CNTNAP5: variants seen among roughly 807,000 people sequenced by gnomAD.
CNTNAP5 encodes the protein contactin associated protein family member 5, also known as contactin-associated protein-like 5.
In CNTNAP5, 72 loss-of-function variants were observed where a neutral mutation model predicts 150.2. The observed-to-expected ratio is 0.48, with a 90% CI of 0.40 to 0.58. The LOEUF (loss-of-function observed/expected upper bound fraction) is 0.58, where lower values mean the gene tolerates loss of function less well. CNTNAP5 is among the 20% of genes least tolerant of loss of function. The pLI is 0.00. For missense variants in CNTNAP5, 1,636 were observed against 1,626.2 expected (o/e 1.01, Z -0.10); for synonymous variants, 672 against 619.8 (o/e 1.08, Z -1.25).
At chr2:124,410,398 C>T (rs914355869) in intron 3 of CNTNAP5, among the ~76,000 whole-genome samples, 1 of 151,722 alleles carries the variant, frequency 6.6e-6, no homozygotes, top group African/African-American at 2.4e-5. Flanking sequence ...ATGTACAGAA[C>T]TCTCCACCCC....
intron 4 of CNTNAP5, among the ~76,000 whole-genome samples, chr2:124,433,624 C>A (rs757963854): frequency 1.3e-5 from 2 of 151,512 alleles, no homozygotes; most frequent in Non-Finnish European, 2.9e-5. Context: ...GAATCAGTTT[C>A]AATTTGTAAT....
chr2:124,849,349 C>T (rs768915405), intron 19 of CNTNAP5, among the ~76,000 whole-genome samples: 77 of 152,162 alleles, frequency 5.1e-4, no homozygotes, highest in East Asian at 1.5e-3. Flanking sequence ...TGTTTTGATG[C>T]CAGTACCATA....
At position 124,872,335 on chromosome 2, in the gene CNTNAP5, G is replaced by A. The variant is rs1023020154; in HGVS notation, c.3436+2573G>A. On this transcript the variant is annotated intron_variant, in intron 21 of 23. Coordinates refer to ENST00000682447, the MANE Select transcript of CNTNAP5 (RefSeq NM_001367498.1). Reference sequence around the variant, plus strand: ...TGAGGGTCCCAGTCTGTTACTAGCTGTTTTCTAAATTTTTCCTGTGGTAAC... The same window carrying A: ...TGAGGGTCCCAGTCTGTTACTAGCTATTTTCTAAATTTTTCCTGTGGTAAC... Among the ~76,000 whole-genome samples the A allele has an allele frequency of 2.0e-5, 3 of 150,080 alleles. No homozygotes were observed. The South Asian group carries it at 6.4e-4, about 32-fold the overall frequency.
At chr2:124,266,476 G>A (rs894523342) in intron 3 of CNTNAP5, among the ~76,000 whole-genome samples, 2 of 152,082 alleles carry the variant, frequency 1.3e-5, no homozygotes, top group African/African-American at 4.8e-5. Context: ...AAGCTGAACA[G>A]CCCTCAGAAT....
chr2:124,700,919 C>G (rs1679507026), intron 13 of CNTNAP5, among the ~76,000 whole-genome samples: 1 of 151,982 alleles, frequency 6.6e-6, no homozygotes, highest in Non-Finnish European at 1.5e-5. Context: ...TACATTTGCA[C>G]CAACCTAATA....
intron 6 of CNTNAP5, among the ~76,000 whole-genome samples, chr2:124,474,235 A>G (rs905589476): frequency 6.6e-6 from 1 of 152,094 alleles, no homozygotes; most frequent in African/African-American, 2.4e-5. Context: ...ACAAAACTAT[A>G]TAGAACATTT....
intron 3 of CNTNAP5, among the ~76,000 whole-genome samples, chr2:124,338,040 A>C (rs375592034): frequency 1.3e-4 from 20 of 152,138 alleles, no homozygotes; most frequent in South Asian, 2.1e-4. Context: ...CTTTTATTTC[A>C]TTCAGCAGTG....
chr2:124,109,025 C>A (rs1363963162), intron 1 of CNTNAP5, among the ~76,000 whole-genome samples: 1 of 152,074 alleles, frequency 6.6e-6, no homozygotes, highest in Non-Finnish European at 1.5e-5. Context: ...GAGCATACAT[C>A]CTGGGAGCAA....
chr2:124,497,317 C>T (rs754717124), intron 7 of CNTNAP5, among the ~76,000 whole-genome samples: 7 of 152,016 alleles, frequency 4.6e-5, no homozygotes, highest in Non-Finnish European at 1.0e-4. Context: ...GGTATAATGC[C>T]CACTAATAGA....
intron 4 of CNTNAP5, among the ~76,000 whole-genome samples, chr2:124,427,444 GT>G (rs540013905): frequency 6.6e-6 from 1 of 151,670 alleles, no homozygotes; most frequent in African/African-American, 2.4e-5. Flanking sequence ...ATTTTATTTT[GT>G]TTTTTTATTA....
chr2:124,599,598 G>C (rs945447680), intron 11 of CNTNAP5, among the ~76,000 whole-genome samples: 3 of 152,196 alleles, frequency 2.0e-5, no homozygotes, highest in African/African-American at 7.2e-5. Context: ...AAGATGGGAA[G>C]ATATCTTTCT....
In CNTNAP5 at chr2:124,920,911, T is replaced by C. The variant is rs1244616123; in HGVS notation, c.*6623T>C. 6.6e-6 allele frequency among the ~76,000 whole-genome samples: 1 copy of C among 152,056 alleles called. No homozygotes were observed. Among genetic ancestry groups the C allele is most frequent in the African/African-American group, 2.4e-5 (1 of 41,426 alleles). ...AATACCCTCCCCACAAAAATACACATATGTCAGACTCTTTATTATGGTAAA... is the reference window on the plus strand; with the variant it reads ...AATACCCTCCCCACAAAAATACACACATGTCAGACTCTTTATTATGGTAAA... On this transcript the variant is annotated 3_prime_UTR_variant, in exon 24 of 24. Transcript: ENST00000682447.
intron 3 of CNTNAP5, among the ~76,000 whole-genome samples, chr2:124,282,540 C>T (rs1173117633): frequency 2.6e-5 from 4 of 152,042 alleles, no homozygotes; most frequent in East Asian, 3.9e-4. Context: ...TAATTGACAA[C>T]AGCTGAAAGT....
At chr2:124,043,881 T>A (rs1681457714) in intron 1 of CNTNAP5, among the ~76,000 whole-genome samples, 1 of 152,216 alleles carries the variant, frequency 6.6e-6, no homozygotes, top group Non-Finnish European at 1.5e-5. Flanking sequence ...CAGGGATAAC[T>A]GGTACAATTT....
intron 13 of CNTNAP5, among the ~76,000 whole-genome samples, chr2:124,746,280 A>T (rs1680601280): frequency 6.6e-6 from 1 of 152,174 alleles, no homozygotes. Flanking sequence ...TTTAAGAATG[A>T]TAATTCTAAG....
At chr2:124,565,057 C>G (rs1308659836) in intron 11 of CNTNAP5, among the ~76,000 whole-genome samples, 17 of 152,036 alleles carry the variant, frequency 1.1e-4, no homozygotes. Flanking sequence ...GGGATTCCAG[C>G]CAAGGATAAG....
chr2:124,614,492 A>G (rs1253574659), intron 12 of CNTNAP5, among the ~76,000 whole-genome samples: 1 of 152,322 alleles, frequency 6.6e-6, no homozygotes, highest in African/African-American at 2.4e-5. Flanking sequence ...TATGCTAAAC[A>G]AGGGGGGATT....
intron 1 of CNTNAP5, among the ~76,000 whole-genome samples, chr2:124,030,415 C>T (rs1681012408): frequency 6.6e-6 from 1 of 152,114 alleles, no homozygotes; most frequent in African/African-American, 2.4e-5. Context: ...ATGATTTCCT[C>T]AAGATCACAG....
chr2:124,420,019 C>T (rs534715599), intron 4 of CNTNAP5, among the ~76,000 whole-genome samples: 3 of 92,434 alleles, frequency 3.2e-5, no homozygotes, highest in African/African-American at 1.2e-4. Context: ...TGAGATGGAG[C>T]CTCGCTCTCT....
Sources: allele counts gnomAD v4.1 joint callset (sites outside exome capture counted in the v4.1 genomes callset), GRCh38; gene constraint gnomAD v4.1.1; transcripts MANE v1.5; gene names NCBI Gene and HGNC (gene_info 2026-07-23, HGNC 2026-07-21).